Variants in NRG1 observed in about 807,000 individuals in gnomAD.
NRG1 encodes the protein pro-neuregulin-1, membrane-bound isoform.
A neutral mutation model predicts 63.8 loss-of-function variants in NRG1; 18 were observed. The observed-to-expected ratio is 0.28, with a 90% CI of 0.19 to 0.42. The LOEUF is 0.42. Among genes scored for constraint, NRG1 ranks in the 10% least tolerant of loss-of-function variants. NRG1 has a pLI of 1.00. For missense variants in NRG1, 762 were observed against 814.7 expected, an observed-to-expected ratio of 0.94 and a Z score of 0.79; for synonymous variants, 302 against 301.3, an observed-to-expected ratio of 1.00 and a Z score of -0.02.
chr8:32,615,731 C>T (rs775466148), intron 4 of NRG1, among the ~76,000 whole-genome samples: 4 of 151,894 alleles, frequency 2.6e-5, no homozygotes, highest in Non-Finnish European at 5.9e-5. Flanking sequence ...GTATCCTAGA[C>T]TACTTTAGCT....
At chr8:32,762,326 GA>G (rs1651502828) in intron 11 of NRG1, among the ~76,000 whole-genome samples, 1 of 152,114 alleles carries the variant, frequency 6.6e-6, no homozygotes, top group Non-Finnish European at 1.5e-5. Context: ...CACTACAAGT[GA>G]TATTTATCCT....
intron 5 of NRG1, among the ~76,000 whole-genome samples, chr8:32,626,918 G>A (rs1849402180): frequency 6.6e-6 from 1 of 152,046 alleles, no homozygotes; most frequent in African/African-American, 2.4e-5. Context: ...CCACTTGGGA[G>A]GCTGAGGCAG....
At chr8:31,973,532 C>T (rs927224953) in intron 1 of NRG1, among the ~76,000 whole-genome samples, 3 of 152,162 alleles carry the variant, frequency 2.0e-5, no homozygotes, top group African/African-American at 7.2e-5. Flanking sequence ...CGTAAATATT[C>T]GTGATTTATT....
At chr8:32,488,453 A>C (rs966805849) in intron 1 of NRG1, among the ~76,000 whole-genome samples, 3 of 152,154 alleles carry the variant, frequency 2.0e-5, no homozygotes, top group Non-Finnish European at 4.4e-5. Context: ...ACTTCTGACC[A>C]CTTGGGAAAT....
At chr8:32,044,583 T>G (rs940132012) in intron 1 of NRG1, among the ~76,000 whole-genome samples, 27 of 151,840 alleles carry the variant, frequency 1.8e-4, no homozygotes, top group African/African-American at 6.3e-4. Flanking sequence ...TTATGGCAAG[T>G]TCATGGAATT....
intron 1 of NRG1, among the ~76,000 whole-genome samples, chr8:32,282,815 T>C (rs951084224): frequency 3.9e-5 from 6 of 152,234 alleles, no homozygotes; most frequent in African/African-American, 1.2e-4. Context: ...CTTTAATTCC[T>C]ATATAAGAAT....
intron 1 of NRG1, among the ~76,000 whole-genome samples, chr8:31,809,943 G>C (rs1272673172): frequency 6.6e-6 from 1 of 151,498 alleles, no homozygotes; most frequent in Non-Finnish European, 1.5e-5. Context: ...TCAGATGTCT[G>C]ATAGGCCTGT....
chr8:32,216,676 A>T (rs1459575649), intron 1 of NRG1, among the ~76,000 whole-genome samples: 1 of 149,994 alleles, frequency 6.7e-6, no homozygotes, highest in East Asian at 1.9e-4. Context: ...CAGAGTGTTT[A>T]TATTAAATAT....
chr8:31,892,038 A>G (rs1257908823), intron 1 of NRG1, among the ~76,000 whole-genome samples: 1 of 152,162 alleles, frequency 6.6e-6, no homozygotes, highest in Non-Finnish European at 1.5e-5. Context: ...CCACATGAGG[A>G]ATGCTTGTAA....
At chr8:32,284,850 C>T (rs1159809809) in intron 1 of NRG1, among the ~76,000 whole-genome samples, 3 of 152,144 alleles carry the variant, frequency 2.0e-5, no homozygotes, top group Non-Finnish European at 2.9e-5. Flanking sequence ...CACCCAGCCT[C>T]ACAATTTTTT....
chr8:31,661,439 C>T (rs777980311), intron 1 of NRG1, among the ~76,000 whole-genome samples: 1 of 152,130 alleles, frequency 6.6e-6, no homozygotes, highest in Non-Finnish European at 1.5e-5. Context: ...TTCTGTAGAT[C>T]CTGATTAAGG....
At chr8:32,692,546 C>T (rs1589236753) in intron 5 of NRG1, among the ~76,000 whole-genome samples, 1 of 152,228 alleles carries the variant, frequency 6.6e-6, no homozygotes, top group East Asian at 1.9e-4. Flanking sequence ...TACAATTTAC[C>T]CATCTCCAAA....
intron 1 of NRG1, among the ~76,000 whole-genome samples, chr8:32,356,801 A>G (rs10106329): frequency 0.13 from 20,220 of 152,114 alleles, 1,618 homozygotes; most frequent in Middle Eastern, 0.21. Flanking sequence ...ATTTGTCTTC[A>G]TTTCATCATT....
chr8:32,261,749 A>C (rs1032243120), intron 1 of NRG1, among the ~76,000 whole-genome samples: 3 of 152,154 alleles, frequency 2.0e-5, no homozygotes, highest in Non-Finnish European at 4.4e-5. Flanking sequence ...GCTAAAACAG[A>C]CATTCAATTT....
At chr8:31,647,357 T>G (rs1804386750) in intron 1 of NRG1, among the ~76,000 whole-genome samples, 1 of 152,254 alleles carries the variant, frequency 6.6e-6, no homozygotes, top group African/African-American at 2.4e-5. Context: ...GGGTGGCATG[T>G]GCCCATTTGG....
chr8:32,357,302 T>C (rs994145264), intron 1 of NRG1, among the ~76,000 whole-genome samples: 1 of 152,150 alleles, frequency 6.6e-6, no homozygotes, highest in Non-Finnish European at 1.5e-5. Context: ...CCTCAGAAGA[T>C]ATAGTCCCCA....
intron 1 of NRG1, among the ~76,000 whole-genome samples, chr8:32,189,719 G>T (rs10105327): frequency 6.6e-6 from 1 of 152,044 alleles, no homozygotes; most frequent in African/African-American, 2.4e-5. Flanking sequence ...GCCCCATATC[G>T]TTAAGGCTTA....
At chr8:32,715,641 CTT>C (rs34392932) in intron 5 of NRG1, among the ~76,000 whole-genome samples, 305 of 126,628 alleles carry the variant, frequency 2.4e-3, no homozygotes, top group Middle Eastern at 4.4e-3. Flanking sequence ...AAATCAGGCC[CTT>C]TTTTTTTTTT....
intron 1 of NRG1, among the ~76,000 whole-genome samples, chr8:32,436,208 A>T (rs1045422018): frequency 1.3e-5 from 2 of 152,160 alleles, no homozygotes; most frequent in Non-Finnish European, 2.9e-5. Flanking sequence ...AAAAGGGAAA[A>T]CACCTTATAA....
Sources: gnomAD v4.1 joint callset for allele counts (sites outside exome capture counted in the v4.1 genomes callset) on GRCh38, gnomAD v4.1.1 for gene constraint, MANE v1.5 for transcripts, NCBI Gene and HGNC (gene_info 2026-07-23, HGNC 2026-07-21) for gene names.